SPIRE1: variants seen among roughly 807,000 people sequenced by gnomAD.
SPIRE1 encodes the protein protein spire homolog 1.
A neutral mutation model predicts 94.1 loss-of-function variants in SPIRE1; 40 were observed. The observed-to-expected ratio is 0.43, with a 90% confidence interval of 0.33 to 0.55. The LOEUF (loss-of-function observed/expected upper bound fraction) is 0.55, where lower values mean the gene tolerates loss of function less well. Ranked by LOEUF, SPIRE1 falls within the 20% of genes least tolerant of loss-of-function variation. The pLI, the probability that SPIRE1 is intolerant of heterozygous loss-of-function variation, is 0.06. For missense variants in SPIRE1, 838 were observed against 975.2 expected, an observed-to-expected ratio of 0.86 and a Z score of 1.87; for synonymous variants, 376 against 371.7, an observed-to-expected ratio of 1.01 and a Z score of -0.13.
At position 12,454,416 on chromosome 18, in the gene SPIRE1, A is replaced by G. The variant is rs980566817; in HGVS notation, c.1706T>C (p.Val569Ala). 1 of 1,613,706 alleles carries G rather than the reference A, an allele frequency of 6.2e-7. No individual in the cohort carries two copies. Among genetic ancestry groups the G allele is most frequent in the African/African-American group, 1.3e-5 (1 of 74,888 alleles). Residue 569 changes from valine to alanine, a missense_variant, in exon 13 of 17, where the codon GTC becomes GCC. Val to Ala is a moderately conservative substitution (Grantham distance 64). Coordinates refer to ENST00000409402, the MANE Select transcript of SPIRE1 (RefSeq NM_001128626.2). ...TTTTTCCAGCTCTGCCTTCACCAGG[A>G]CCTGGCGAATATGCATCACTTCTTC... ...TVEEVMHIRQVLVKAELEKYQ... is the reference protein window; with the variant it reads ...TVEEVMHIRQALVKAELEKYQ...
intron 4 of SPIRE1, among the ~76,000 whole-genome samples, chr18:12,534,002 T>A (rs1395022661): frequency 6.6e-6 from 1 of 151,700 alleles, no homozygotes; most frequent in Non-Finnish European, 1.5e-5. Flanking sequence ...GTTCACCTTT[T>A]TTCCACTCTG....
chr18:12,611,975 A>C (rs544843151), intron 2 of SPIRE1, among the ~76,000 whole-genome samples: 1 of 152,186 alleles, frequency 6.6e-6, no homozygotes, highest in Admixed American at 6.5e-5. Flanking sequence ...TGCCCAGCTT[A>C]ATTTGTTATG....
At chr18:12,534,942 T>C (rs752550149) in intron 4 of SPIRE1, among the ~76,000 whole-genome samples, 1 of 152,222 alleles carries the variant, frequency 6.6e-6, no homozygotes, top group Non-Finnish European at 1.5e-5. Context: ...TTACCTAACA[T>C]GTACTGAGCT....
chr18:12,496,767 G>A (rs1567890828), intron 6 of SPIRE1, among the ~76,000 whole-genome samples: 1 of 152,186 alleles, frequency 6.6e-6, no homozygotes, highest in Non-Finnish European at 1.5e-5. Context: ...TACTCAGGAG[G>A]CTGAGGCAGG....
In SPIRE1 at chr18:12,479,797, T is replaced by C; in HGVS notation, c.1306A>G (p.Lys436Glu). 6.2e-7 allele frequency: 1 copy of C among 1,614,200 alleles called. No individual in the cohort carries two copies. Among genetic ancestry groups the C allele is most frequent in the African/African-American group, 1.3e-5 (1 of 75,066 alleles). ...TGTGAGGTACTTAACCCGTTTTCTT[T>C]TGTTTGTGATGTCAAACCTCCATTC... ...MVNGGLTSQT[K>E]ENGLSTSQQV... Residue 436 changes from lysine to glutamate, a missense_variant, in exon 10 of 17, where the codon AAA becomes GAA. By Grantham distance (56) the Lys-to-Glu change is moderately conservative. This residue lies in a region of SPIRE1 where 645 missense variants were observed against 804.7 expected (regional missense o/e 0.80). Coordinates refer to ENST00000409402, the MANE Select transcript of SPIRE1 (RefSeq NM_001128626.2).
intron 2 of SPIRE1, among the ~76,000 whole-genome samples, chr18:12,623,221 T>C (rs2037525508): frequency 6.6e-6 from 1 of 152,106 alleles, no homozygotes; most frequent in Admixed American, 6.6e-5. Context: ...TGGCGTGATC[T>C]TGGCTCACTG....
chr18:12,453,700 C>G (rs2031360323), intron 13 of SPIRE1, among the ~76,000 whole-genome samples: 2 of 152,148 alleles, frequency 1.3e-5, no homozygotes, highest in Non-Finnish European at 2.9e-5. Context: ...GCCCAAAGTG[C>G]TGGGATTACA....
At position 12,493,168 on chromosome 18, in the gene SPIRE1, G is replaced by A. The variant is rs754467228; in HGVS notation, c.1093C>T (p.Arg365Trp). 6.8e-6 allele frequency: 11 copies of A among 1,613,328 alleles called. No homozygotes were observed. The highest frequency in any genetic ancestry group is 2.2e-5 in the East Asian group (1 of 44,878). The change falls in exon 8 of 17, where the codon CGG becomes TGG. Residue 365 changes from arginine (R) to tryptophan (W), a missense_variant. Physicochemically the swap from Arg to Trp is moderately radical, Grantham distance 101. This residue lies in a region of SPIRE1 where 645 missense variants were observed against 804.7 expected (regional missense o/e 0.80). Coordinates refer to ENST00000409402, the MANE Select transcript of SPIRE1 (RefSeq NM_001128626.2). ...ATTCTTTCATGGAGGCTCCGTGGCC[G>A]TGGTGGAGTTGGTTTCAGTTTTCTG... Reference protein sequence around the residue: ...SARKLKPTPPRPRSLHERILE... With the variant: ...SARKLKPTPPWPRSLHERILE...
intron 4 of SPIRE1, among the ~76,000 whole-genome samples, chr18:12,515,764 T>C (rs537465381): frequency 6.6e-6 from 1 of 152,136 alleles, no homozygotes; most frequent in Non-Finnish European, 1.5e-5. Flanking sequence ...CACTGGTCTG[T>C]GAGGAAGTAC....
chr18:12,565,317 G>A (rs1419116878), intron 2 of SPIRE1, among the ~76,000 whole-genome samples: 5 of 152,154 alleles, frequency 3.3e-5, no homozygotes. Flanking sequence ...TCAACCTAGA[G>A]TTTTGTATTC....
chr18:12,539,248 G>C (rs913434691), intron 3 of SPIRE1, among the ~76,000 whole-genome samples: 2 of 152,094 alleles, frequency 1.3e-5, no homozygotes, highest in Non-Finnish European at 2.9e-5. Context: ...TGAATCATGG[G>C]GGCAGGTCTT....
At chr18:12,581,848 A>C (rs959364709) in intron 2 of SPIRE1, among the ~76,000 whole-genome samples, 1 of 148,718 alleles carries the variant, frequency 6.7e-6, no homozygotes, top group African/African-American at 2.5e-5. Flanking sequence ...TGGGCATCAG[A>C]ATGAGACTGT....
intron 3 of SPIRE1, among the ~76,000 whole-genome samples, chr18:12,536,787 G>T (rs1401078102): frequency 6.6e-6 from 1 of 152,056 alleles, no homozygotes; most frequent in Non-Finnish European, 1.5e-5. Context: ...CCATACACAG[G>T]AATAATTTTA....
intron 2 of SPIRE1, among the ~76,000 whole-genome samples, chr18:12,563,952 C>T (rs150243751): frequency 1.3e-5 from 2 of 151,946 alleles, no homozygotes; most frequent in East Asian, 1.9e-4. Context: ...TACATAAAGC[C>T]GATGTAAATA....
At chr18:12,514,216 C>T (rs572266093) in intron 4 of SPIRE1, among the ~76,000 whole-genome samples, 89 of 152,288 alleles carry the variant, frequency 5.8e-4, no homozygotes, top group Non-Finnish European at 9.9e-4. Flanking sequence ...GAATGCTTTA[C>T]ATCTCAAATA....
In SPIRE1 at chr18:12,447,990, T is replaced by G. The variant is rs2031028284; in HGVS notation, c.*1648A>C. ...AGTTTTATAAATGAGATTCACCCAGTACAATTCTGAAAGCTCTTAAACAGG... is the reference window on the plus strand; with the variant it reads ...AGTTTTATAAATGAGATTCACCCAGGACAATTCTGAAAGCTCTTAAACAGG... On this transcript the variant is annotated 3_prime_UTR_variant, in exon 17 of 17. Coordinates refer to ENST00000409402, the MANE Select transcript of SPIRE1 (RefSeq NM_001128626.2). 6.6e-6 allele frequency: 1 copy of G among 152,194 alleles called. No homozygotes were observed. Among genetic ancestry groups the G allele is most frequent in the Non-Finnish European group, 1.5e-5 (1 of 68,040 alleles). The allele number at this position is 152,194 out of a possible 1,614,324, so 9.4% of individuals were successfully genotyped here. A position where few individuals can be genotyped will look rare whatever the true frequency, so the allele number is the denominator to read the frequency against.
At chr18:12,458,455 CA>C (rs928079637) in intron 12 of SPIRE1, among the ~76,000 whole-genome samples, 30 of 150,212 alleles carry the variant, frequency 2.0e-4, no homozygotes, top group African/African-American at 6.6e-4. Flanking sequence ...ACTAAAAATA[CA>C]AAAAAAAATT....
At chr18:12,613,275 C>A (rs2037194110) in intron 2 of SPIRE1, among the ~76,000 whole-genome samples, 1 of 152,174 alleles carries the variant, frequency 6.6e-6, no homozygotes, top group South Asian at 2.1e-4. Flanking sequence ...AAATCTTTCT[C>A]CCTGTGTCCA....
intron 2 of SPIRE1, among the ~76,000 whole-genome samples, chr18:12,565,834 G>C (rs2035804661): frequency 6.6e-6 from 1 of 151,774 alleles, no homozygotes; most frequent in African/African-American, 2.4e-5. Context: ...AGAAGTACGA[G>C]ACCAGCCTGG....
Sources: gnomAD v4.1 joint callset for allele counts (sites outside exome capture counted in the v4.1 genomes callset) on GRCh38, gnomAD v4.1.1 for gene constraint, gnomAD v4.1.1 regional missense constraint, MANE v1.5 for transcripts, NCBI Gene and HGNC (gene_info 2026-07-23, HGNC 2026-07-21) for gene names.